The following MITF variants were observed in gnomAD, a reference collection of about 807,000 sequenced individuals.
MITF encodes microphthalmia-associated transcription factor.
In MITF, 17 loss-of-function variants were observed where a neutral mutation model predicts 60.5. The observed-to-expected ratio is 0.28, with a 90% confidence interval of 0.19 to 0.42. The LOEUF (loss-of-function observed/expected upper bound fraction) is 0.42, where lower values mean the gene tolerates loss of function less well. Among genes scored for constraint, MITF ranks in the 10% least tolerant of loss-of-function variants. The probability of loss-of-function intolerance (pLI) is 1.00; values close to 1 mark genes in which losing one functional copy is unlikely to be tolerated. For missense variants in MITF, 622 were observed against 683.5 expected, an observed-to-expected ratio of 0.91 and a Z score of 1.00; for synonymous variants, 260 against 248.5, an observed-to-expected ratio of 1.05 and a Z score of -0.43.
At chr3:69,821,689 C>CTAAAAAAAAAAAAAAAAAAA (rs2063275479) in intron 1 of MITF, among the ~76,000 whole-genome samples, 1 of 65,450 alleles carries the variant, frequency 1.5e-5, no homozygotes, top group Non-Finnish European at 4.2e-5. Flanking sequence ...AAAAAAAAAA[C>CTAAAAAAAAAAAAAAAAAAA]TAAAAAAAAA....
intron 2 of MITF, among the ~76,000 whole-genome samples, chr3:69,917,738 C>G (rs2107414364): frequency 6.6e-6 from 1 of 151,838 alleles, no homozygotes; most frequent in East Asian, 1.9e-4. Flanking sequence ...AGAGGTTAAA[C>G]CAGACATAAT....
Position 69,941,305 on chromosome 3 carries a change from G to C in MITF, c.736G>C (p.Asp246His). The C allele has an allele frequency of 6.2e-7, 1 of 1,612,976 alleles. No homozygotes were observed. The highest frequency in any genetic ancestry group is 8.5e-7 in the Non-Finnish European group (1 of 1,179,196). Reference protein sequence around the residue: ...SYNEEILGLMDPALQMANTLP... With the variant: ...SYNEEILGLMHPALQMANTLP... ...TAATGAGGAAATCTTGGGCTTGATG[G>C]ATCCTGCTTTGCAAATGGCAAATAC... Residue 246 changes from aspartate (D) to histidine (H), a missense_variant, in exon 5 of 10, where the codon GAT (aspartate) becomes CAT (histidine). Asp to His is a moderately conservative substitution (Grantham distance 81, BLOSUM62 -1). This residue lies in a region of MITF where 215 missense variants were observed against 224.8 expected (regional missense o/e 0.96). Coordinates refer to ENST00000352241, the MANE Select transcript of MITF (RefSeq NM_001354604.2).
intron 1 of MITF, among the ~76,000 whole-genome samples, chr3:69,829,414 T>C (rs1266708592): frequency 2.0e-5 from 3 of 152,188 alleles, no homozygotes; most frequent in Non-Finnish European, 4.4e-5. Context: ...CTTTAAGCCA[T>C]ATCCCCTTAA....
intron 2 of MITF, among the ~76,000 whole-genome samples, chr3:69,926,729 G>A (rs978123165): frequency 3.3e-5 from 5 of 152,126 alleles, no homozygotes; most frequent in African/African-American, 4.8e-5. Context: ...CCACGTAATT[G>A]TGGCCTTTGG....
chr3:69,887,221 A>G (rs556764168), intron 2 of MITF, among the ~76,000 whole-genome samples: 3 of 152,244 alleles, frequency 2.0e-5, no homozygotes, highest in South Asian at 4.1e-4. Flanking sequence ...ATTTAATCCC[A>G]ACAATTAAAG....
intron 1 of MITF, among the ~76,000 whole-genome samples, chr3:69,803,154 G>A (rs559285989): frequency 6.6e-6 from 1 of 152,278 alleles, no homozygotes; most frequent in African/African-American, 2.4e-5. Flanking sequence ...TTTCTGACAT[G>A]AAACATAAGA....
chr3:69,799,347 G>T (rs977501292), intron 1 of MITF, among the ~76,000 whole-genome samples: 2 of 152,168 alleles, frequency 1.3e-5, no homozygotes, highest in African/African-American at 4.8e-5. Flanking sequence ...AATAGTTGTG[G>T]AGTGTTGGAA....
At chr3:69,887,354 G>A (rs944609800) in intron 2 of MITF, among the ~76,000 whole-genome samples, 1 of 152,044 alleles carries the variant, frequency 6.6e-6, no homozygotes, top group Non-Finnish European at 1.5e-5. Flanking sequence ...TAAAATCGGT[G>A]GGTGTGATCT....
intron 1 of MITF, among the ~76,000 whole-genome samples, chr3:69,854,049 C>T (rs745460848): frequency 9.9e-5 from 15 of 151,970 alleles, no homozygotes; most frequent in Non-Finnish European, 1.3e-4. Flanking sequence ...AGAGTTTCAC[C>T]GTATTGGTCA....
At chr3:69,877,026 A>G (rs960500000) in intron 1 of MITF, among the ~76,000 whole-genome samples, 2 of 152,236 alleles carry the variant, frequency 1.3e-5, no homozygotes, top group Non-Finnish European at 2.9e-5. Flanking sequence ...ATCATTTTGC[A>G]TACTTGGATA....
intron 1 of MITF, among the ~76,000 whole-genome samples, chr3:69,747,733 A>G (rs987570835): frequency 6.6e-6 from 1 of 152,238 alleles, no homozygotes. Flanking sequence ...ACCCTGGACT[A>G]AAAGAGGAGA....
chr3:69,780,785 T>C (rs540406913), intron 1 of MITF, among the ~76,000 whole-genome samples: 1 of 152,308 alleles, frequency 6.6e-6, no homozygotes, highest in Non-Finnish European at 1.5e-5. Flanking sequence ...AAGCTACTAG[T>C]CTCCTTAAGG....
At chr3:69,857,161 C>T (rs1396779980) in intron 1 of MITF, among the ~76,000 whole-genome samples, 1 of 151,832 alleles carries the variant, frequency 6.6e-6, no homozygotes, top group Admixed American at 6.6e-5. Context: ...GGGGTACAGA[C>T]AAGTAAAGAG....
intron 2 of MITF, among the ~76,000 whole-genome samples, chr3:69,894,713 TC>T (rs961020672): frequency 4.0e-5 from 6 of 151,872 alleles, no homozygotes; most frequent in Middle Eastern, 3.2e-3. Context: ...TCCTAACTCC[TC>T]CACTCCAATC....
chr3:69,868,786 C>G (rs1402478503), intron 1 of MITF, among the ~76,000 whole-genome samples: 1 of 151,558 alleles, frequency 6.6e-6, no homozygotes, highest in Admixed American at 6.6e-5. Context: ...ATAAACCCAG[C>G]TACTATGGAG....
intron 1 of MITF, among the ~76,000 whole-genome samples, chr3:69,871,660 C>T (rs1402715455): frequency 6.6e-6 from 1 of 152,208 alleles, no homozygotes; most frequent in African/African-American, 2.4e-5. Context: ...GTGTGCTAGA[C>T]ATGCAGTAAT....
At chr3:69,938,746 A>G in intron 3 of MITF, 2 of 1,306,158 alleles carry the variant, frequency 1.5e-6, no homozygotes, top group East Asian at 6.4e-5. Context: ...TTTCCAAATT[A>G]TGAGATGATG....
At chr3:69,775,413 T>C (rs941576933) in intron 1 of MITF, among the ~76,000 whole-genome samples, 3 of 152,186 alleles carry the variant, frequency 2.0e-5, no homozygotes, top group African/African-American at 4.8e-5. Context: ...TTGTGTATTA[T>C]TGAGGATACA....
chr3:69,837,369 C>A (rs1396250582), intron 1 of MITF, among the ~76,000 whole-genome samples: 2 of 152,132 alleles, frequency 1.3e-5, no homozygotes, highest in Admixed American at 1.3e-4. Flanking sequence ...GTATTACTTT[C>A]TACCTTGTTT....
Sources: gnomAD v4.1 joint callset for allele counts (sites outside exome capture counted in the v4.1 genomes callset) on GRCh38, gnomAD v4.1.1 for gene constraint, gnomAD v4.1.1 regional missense constraint, MANE v1.5 for transcripts, NCBI Gene and HGNC (gene_info 2026-07-23, HGNC 2026-07-21) for gene names.